The following NELL1 variants were observed in gnomAD, a reference collection of about 807,000 sequenced individuals.
NELL1 encodes neural EGFL like 1.
NELL1 carries 76 observed loss-of-function variants against 107.4 expected under a neutral mutation model. The ratio of observed to expected loss-of-function variants is 0.71; its 90% confidence interval spans 0.59 to 0.86. The LOEUF (loss-of-function observed/expected upper bound fraction) is 0.86, where lower values mean the gene tolerates loss of function less well. Ranked by LOEUF, NELL1 falls within the 40% of genes least tolerant of loss-of-function variation. The probability of loss-of-function intolerance (pLI) is 0.00; values close to 1 mark genes in which losing one functional copy is unlikely to be tolerated. For synonymous variants in NELL1, 353 were observed against 341.2 expected, an observed-to-expected ratio of 1.03 and a Z score of -0.38; for missense variants, 1,024 against 1,005.5, an observed-to-expected ratio of 1.02 and a Z score of -0.25.
chr11:21,063,741 A>G (rs765185477), intron 12 of NELL1, among the ~76,000 whole-genome samples: 10 of 152,184 alleles, frequency 6.6e-5, no homozygotes, highest in Non-Finnish European at 1.5e-4. Flanking sequence ...ATTGTGCCGC[A>G]TTTTTCTAGA....
intron 12 of NELL1, among the ~76,000 whole-genome samples, chr11:21,069,960 C>A (rs1853970873): frequency 6.6e-6 from 1 of 152,194 alleles, no homozygotes; most frequent in Non-Finnish European, 1.5e-5. Context: ...TCCTTACTTT[C>A]ATTCCTTCCC....
chr11:20,941,705 C>G (rs896921577), intron 10 of NELL1, among the ~76,000 whole-genome samples: 2 of 152,202 alleles, frequency 1.3e-5, no homozygotes, highest in African/African-American at 2.4e-5. Context: ...AATAGCAACA[C>G]TTCTTACCTA....
chr11:21,204,075 A>C (rs1857334362), intron 13 of NELL1, among the ~76,000 whole-genome samples: 1 of 151,866 alleles, frequency 6.6e-6, no homozygotes. Flanking sequence ...GGTGAATCTG[A>C]CAATTATGTG....
chr11:21,410,151 A>G (rs893559825), intron 15 of NELL1, among the ~76,000 whole-genome samples: 6 of 151,998 alleles, frequency 3.9e-5, no homozygotes, highest in East Asian at 3.9e-4. Context: ...TTCCTGACAC[A>G]GTGGAAATGT....
intron 2 of NELL1, among the ~76,000 whole-genome samples, chr11:20,754,757 G>A (rs1166916363): frequency 1.3e-5 from 2 of 152,150 alleles, no homozygotes; most frequent in Admixed American, 6.5e-5. Flanking sequence ...ATAAAATAAT[G>A]TAATGGATAT....
At chr11:21,102,086 C>T (rs1418403013) in intron 12 of NELL1, among the ~76,000 whole-genome samples, 1 of 152,194 alleles carries the variant, frequency 6.6e-6, no homozygotes, top group African/African-American at 2.4e-5. Flanking sequence ...CTTCTGACCT[C>T]TGGTGATCCA....
In NELL1 at chr11:21,573,415, T is replaced by A. The variant is rs755115988; in HGVS notation, c.2382+6T>A. 1.9e-6 allele frequency: 3 copies of A among 1,609,364 alleles called. No homozygotes were observed. In the East Asian group the frequency reaches 6.7e-5, roughly 36 times the overall value. On this transcript the variant is annotated splice_donor_region_variant and intron_variant, in intron 19 of 19. Transcript: ENST00000357134. ...GCACAACCTGTAAATGCAAGGTAAT[T>A]GGATGTTCTGCGGATATTGAAGCCT...
intron 2 of NELL1, among the ~76,000 whole-genome samples, chr11:20,763,958 A>G (rs1229240646): frequency 6.6e-6 from 1 of 152,252 alleles, no homozygotes; most frequent in Non-Finnish European, 1.5e-5. Flanking sequence ...TGCACTGGCA[A>G]GGTAATGCAG....
intron 12 of NELL1, among the ~76,000 whole-genome samples, chr11:20,986,755 A>G (rs1290145978): frequency 1.3e-5 from 2 of 152,154 alleles, no homozygotes; most frequent in Non-Finnish European, 2.9e-5. Flanking sequence ...CCACATGAAT[A>G]AAACAAGTGA....
Position 21,068,032 on chromosome 11 carries a change from C to CAAAAAAAAAAA in NELL1, c.1301-45540_1301-45530dup, listed in dbSNP as rs1195285619. ...TGGGCAACAGAGTGAGATGCCATCT[C>CAAAAAAAAAAA]AAAAAAAAAAAAAAAAAAAAAAAAA... On this transcript the variant is annotated intron_variant, in intron 12 of 19. Coordinates refer to ENST00000357134, the MANE Select transcript of NELL1 (RefSeq NM_006157.5). Among the ~76,000 whole-genome samples the CAAAAAAAAAAA allele has an allele frequency of 7.7e-4, 31 of 40,384 alleles. 4 individuals carry two copies. Among genetic ancestry groups the CAAAAAAAAAAA allele is most frequent in the African/African-American group, 1.4e-3 (13 of 9,612 alleles). 26.5% of individuals were successfully genotyped at this position (40,384 alleles called of 152,430 possible).
chr11:21,134,737 G>A (rs1000911101), intron 13 of NELL1, among the ~76,000 whole-genome samples: 3 of 152,080 alleles, frequency 2.0e-5, no homozygotes, highest in African/African-American at 7.2e-5. Flanking sequence ...TTTGAGAGAG[G>A]CGTATATGCA....
At chr11:21,353,710 G>A (rs960039986) in intron 14 of NELL1, among the ~76,000 whole-genome samples, 2 of 152,120 alleles carry the variant, frequency 1.3e-5, no homozygotes, top group Non-Finnish European at 2.9e-5. Flanking sequence ...CCAAAGAAAG[G>A]TCGAATATAT....
chr11:20,903,772 C>T (rs553317480), intron 5 of NELL1, among the ~76,000 whole-genome samples: 3 of 152,126 alleles, frequency 2.0e-5, no homozygotes, highest in South Asian at 4.2e-4. Flanking sequence ...TGCTGTTTCT[C>T]GACAGAAACA....
intron 13 of NELL1, among the ~76,000 whole-genome samples, chr11:21,115,557 T>A (rs1190475846): frequency 6.7e-6 from 1 of 149,478 alleles, no homozygotes; most frequent in Admixed American, 6.6e-5. Flanking sequence ...AGAAGAAATA[T>A]TTTATGTGAG....
intron 13 of NELL1, among the ~76,000 whole-genome samples, chr11:21,181,010 G>T (rs901253610): frequency 1.3e-5 from 2 of 151,696 alleles, no homozygotes; most frequent in Non-Finnish European, 2.9e-5. Flanking sequence ...CTAAAAATGA[G>T]GATGCTCGAA....
intron 11 of NELL1, among the ~76,000 whole-genome samples, chr11:20,957,464 C>A (rs1327263881): frequency 6.6e-6 from 1 of 152,170 alleles, no homozygotes; most frequent in African/African-American, 2.4e-5. Flanking sequence ...AACCTCAAAT[C>A]TCACACATTA....
At chr11:21,198,461 A>G (rs1857200193) in intron 13 of NELL1, among the ~76,000 whole-genome samples, 1 of 152,216 alleles carries the variant, frequency 6.6e-6, no homozygotes, top group Admixed American at 6.5e-5. Flanking sequence ...CCATTTTTGG[A>G]AAATCTGCCA....
chr11:21,020,107 G>T (rs891081930), intron 12 of NELL1, among the ~76,000 whole-genome samples: 1 of 152,012 alleles, frequency 6.6e-6, no homozygotes, highest in East Asian at 1.9e-4. Flanking sequence ...ATCTTATATG[G>T]TTATATGTCA....
chr11:21,085,959 A>C (rs931847340), intron 12 of NELL1, among the ~76,000 whole-genome samples: 4 of 152,236 alleles, frequency 2.6e-5, no homozygotes, highest in African/African-American at 9.6e-5. Context: ...CAGGAACACC[A>C]TCAAGCTGTT....
Sources: gnomAD v4.1 joint callset for allele counts (sites outside exome capture counted in the v4.1 genomes callset) on GRCh38, gnomAD v4.1.1 for gene constraint, MANE v1.5 for transcripts, NCBI Gene and HGNC (gene_info 2026-07-23, HGNC 2026-07-21) for gene names.